CAPN5: variants seen among roughly 807,000 people sequenced by gnomAD.
CAPN5 encodes calpain 5, also known as calpain-5.
In CAPN5, 54 loss-of-function variants were observed where a neutral mutation model predicts 73.0. The observed-to-expected ratio is 0.74, with a 90% CI of 0.59 to 0.93. The LOEUF (loss-of-function observed/expected upper bound fraction) is 0.93, where lower values mean the gene tolerates loss of function less well. CAPN5 is among the 40% of genes least tolerant of loss of function. The pLI, the probability that CAPN5 is intolerant of heterozygous loss-of-function variation, is 0.00. For synonymous variants in CAPN5, 335 were observed against 356.9 expected (o/e 0.94, Z 0.69); for missense variants, 785 against 882.9 (o/e 0.89, Z 1.41).
At position 77,104,318 on chromosome 11, in the gene CAPN5, G is replaced by C. The variant is rs1449056195; in HGVS notation, c.298-8271G>C. Among the ~76,000 whole-genome samples, 5 of 152,200 alleles carry C rather than the reference G, an allele frequency of 3.3e-5. No homozygotes were observed. In the East Asian group the frequency reaches 9.6e-4, roughly 29 times the overall value. On this transcript the variant is annotated intron_variant, in intron 3 of 12. Transcript: ENST00000648180. ...TCAGGTATCCCCTGCTGGGGAGTCA[G>C]GCTCTTTAGAGCTTGCAGGTCAGGG...
At chr11:77,093,613 T>TGTCTGTGTCTGTCAC in intron 2 of CAPN5, 69 bp from the exon 3 acceptor site, 1 of 1,450,740 alleles carries the variant, frequency 6.9e-7, no homozygotes, top group Non-Finnish European at 9.3e-7. Flanking sequence ...GTGTCTGTCA[T>TGTCTGTGTCTGTCAC]GTCTCCTGCC....
chr11:77,100,301 A>G (rs1340424314), intron 3 of CAPN5, among the ~76,000 whole-genome samples: 2 of 152,026 alleles, frequency 1.3e-5, no homozygotes, highest in African/African-American at 2.4e-5. Flanking sequence ...CCCCAGCTGC[A>G]GCCTCCTGCA....
At chr11:77,105,746 G>C (rs1177090245) in intron 3 of CAPN5, among the ~76,000 whole-genome samples, 2 of 152,172 alleles carry the variant, frequency 1.3e-5, no homozygotes. Flanking sequence ...TCAAACCTGT[G>C]CTGGGCTAGA....
At chr11:77,114,573 G>T in intron 5 of CAPN5, 139 bp downstream of exon 5, 1 of 795,540 alleles carries the variant, frequency 1.3e-6, no homozygotes, top group East Asian at 2.5e-5. Flanking sequence ...GGGAGAAGTT[G>T]GAAGGTGCAA....
intron 3 of CAPN5, among the ~76,000 whole-genome samples, chr11:77,097,888 C>T (rs1321591652): frequency 2.0e-4 from 16 of 79,372 alleles, no homozygotes; most frequent in African/African-American, 1.2e-3. Flanking sequence ...ACAGACACGG[C>T]AACCATCCGA....
At chr11:77,074,095 G>C (rs1203743989) in intron 1 of CAPN5, among the ~76,000 whole-genome samples, 2 of 152,226 alleles carry the variant, frequency 1.3e-5, no homozygotes, top group Non-Finnish European at 2.9e-5. Flanking sequence ...GGAGGATGGG[G>C]TATGGGATAG....
chr11:77,070,866 G>A (rs1949898115), intron 1 of CAPN5, among the ~76,000 whole-genome samples: 1 of 152,116 alleles, frequency 6.6e-6, no homozygotes, highest in Non-Finnish European at 1.5e-5. Context: ...CTCTGCTTCT[G>A]TCTCATTGCT....
intron 1 of CAPN5, among the ~76,000 whole-genome samples, chr11:77,072,525 G>T (rs1392901715): frequency 1.3e-5 from 2 of 152,208 alleles, no homozygotes; most frequent in African/African-American, 4.8e-5. Context: ...GCTGGAGAGT[G>T]GGTCACTGCC....
intron 5 of CAPN5, 39 bp from the exon 6 acceptor site, chr11:77,115,356 T>C (rs1555041513): frequency 6.5e-7 from 1 of 1,543,314 alleles, no homozygotes; most frequent in East Asian, 2.3e-5. Context: ...TGGGTTCCAG[T>C]GTGGCCCTGC....
Position 77,114,253 on chromosome 11 carries a change from G to A in CAPN5, c.518G>A (p.Cys173Tyr), listed in dbSNP as rs782325267. 1 of 1,614,056 alleles carries A rather than the reference G, an allele frequency of 6.2e-7. No homozygotes were observed. The highest frequency in any genetic ancestry group is 8.5e-7 in the Non-Finnish European group (1 of 1,179,924). ...ACATTGCTTCCCAGACTGGCAGGCT[G>A]TTACCAGGCCCTGGATGGAGGCAAC... ...VEKAYAKLAG[C>Y]YQALDGGNTA... The change falls in exon 5 of 13, where the codon TGT (cysteine) becomes TAT (tyrosine). Residue 173 changes from cysteine to tyrosine, a missense_variant. Transcript: ENST00000648180.
chr11:77,088,025 A>C (rs782002077), intron 2 of CAPN5: 259 of 1,535,816 alleles, frequency 1.7e-4, no homozygotes, highest in Non-Finnish European at 2.2e-4. Flanking sequence ...CTGGGAGCTC[A>C]GGGTGTCCGT....
At position 77,088,086 on chromosome 11, in the gene CAPN5, G is replaced by A. The variant is rs782385727; in HGVS notation, c.165+3035G>A. 53 of 1,518,982 alleles carry A rather than the reference G, an allele frequency of 3.5e-5. No individual in the cohort carries two copies. In the African/African-American group the frequency reaches 7.3e-4, roughly 21 times the overall value. The allele number at this position is 1,518,982 out of a possible 1,614,324, so 94.1% of individuals were successfully genotyped here. ...GGTAGGCGGCCTCCTGTCACCCTGT[G>A]GGGGCAACATCCCCTCATCCAGCAT... On this transcript the variant is annotated intron_variant, in intron 2 of 12. Coordinates refer to ENST00000648180, the MANE Select transcript of CAPN5 (RefSeq NM_004055.5).
chr11:77,094,404 G>C (rs960800733), intron 3 of CAPN5, among the ~76,000 whole-genome samples: 1 of 152,184 alleles, frequency 6.6e-6, no homozygotes, highest in African/African-American at 2.4e-5. Context: ...CTGGACCAGG[G>C]CCAAAGGGTT....
chr11:77,069,204 C>T lies in CAPN5; in HGVS notation c.-36+2110C>T, dbSNP rs376950546. On this transcript the variant is annotated intron_variant, in intron 1 of 12. Transcript: ENST00000648180. ...TTTTCTGTCTCAGTTTTCTCATGTGCGGAATGGGGATAAATGCTGCCTATT... is the reference window on the plus strand; with the variant it reads ...TTTTCTGTCTCAGTTTTCTCATGTGTGGAATGGGGATAAATGCTGCCTATT... Among the ~76,000 whole-genome samples the T allele has an allele frequency of 4.6e-5, 7 of 152,220 alleles. No individual in the cohort carries two copies. The South Asian group carries it at 8.3e-4, about 18-fold the overall frequency.
intron 3 of CAPN5, among the ~76,000 whole-genome samples, chr11:77,100,787 C>T (rs1950275696): frequency 1.3e-5 from 2 of 152,204 alleles, no homozygotes; most frequent in South Asian, 4.1e-4. Flanking sequence ...TGCTGTGTCC[C>T]AGGCTTTACT....
intron 1 of CAPN5, among the ~76,000 whole-genome samples, chr11:77,074,990 G>A (rs1227331478): frequency 6.6e-6 from 1 of 152,188 alleles, no homozygotes; most frequent in Non-Finnish European, 1.5e-5. Flanking sequence ...CGTTCTTCTG[G>A]TCTTTCTGGT....
At chr11:77,085,096 C>A in intron 2 of CAPN5, 45 bp downstream of exon 2, 1 of 1,567,280 alleles carries the variant, frequency 6.4e-7, no homozygotes, top group Non-Finnish European at 8.7e-7. Flanking sequence ...GGGCCCAGGC[C>A]CACCCACAAG....
chr11:77,109,437 G>C (rs946396176), intron 3 of CAPN5, among the ~76,000 whole-genome samples: 4 of 152,114 alleles, frequency 2.6e-5, no homozygotes, highest in Admixed American at 2.6e-4. Context: ...AATTGTTTTT[G>C]TAAGTATCAT....
intron 3 of CAPN5, among the ~76,000 whole-genome samples, chr11:77,111,305 G>A (rs1555040711): frequency 6.6e-6 from 1 of 152,122 alleles, no homozygotes; most frequent in Non-Finnish European, 1.5e-5. Context: ...GTGCCAAGGA[G>A]CTCATTTTTC....
Sources: gnomAD v4.1 joint callset for allele counts (sites outside exome capture counted in the v4.1 genomes callset) on GRCh38, gnomAD v4.1.1 for gene constraint, MANE v1.5 for transcripts, NCBI Gene and HGNC (gene_info 2026-07-23, HGNC 2026-07-21) for gene names.